The following AGMO variants were observed in gnomAD, a reference collection of about 807,000 sequenced individuals.
The protein encoded by AGMO is alkylglycerol monooxygenase, also known as glyceryl-ether monooxygenase.
Under a neutral mutation model 60.2 loss-of-function variants are expected in AGMO, and 75 were observed. That is an observed-to-expected ratio of 1.25 (90% CI 1.03 to 1.51). AGMO has a LOEUF of 1.51. Ranked by LOEUF, AGMO falls within the 40% of genes most tolerant of loss-of-function variation. The probability of loss-of-function intolerance (pLI) is 0.00; values close to 1 mark genes in which losing one functional copy is unlikely to be tolerated. For missense variants in AGMO, 763 were observed against 525.5 expected (o/e 1.45, Z -4.42); for synonymous variants, 261 against 177.1 (o/e 1.47, Z -3.76).
chr7:15,135,975 T>TCTTC, the AGMO span, among the ~76,000 whole-genome samples: 1 of 76,430 alleles, frequency 1.3e-5, no homozygotes, highest in Admixed American at 2.0e-4. Flanking sequence ...ATATTTTTTC[T>TCTTC]TTTCTTTTTT....
At chr7:15,138,890 G>A in the AGMO span, among the ~76,000 whole-genome samples, 1 of 152,090 alleles carries the variant, frequency 6.6e-6, no homozygotes, top group Admixed American at 6.6e-5. Context: ...TTATTGGGTA[G>A]TGTTTGACAC....
intron 12 of AGMO, among the ~76,000 whole-genome samples, chr7:15,208,854 T>C (rs920133943): frequency 6.6e-6 from 1 of 152,218 alleles, no homozygotes; most frequent in Non-Finnish European, 1.5e-5. Flanking sequence ...GATTTTTGAA[T>C]AAGATGTTGC....
At position 15,460,281 on chromosome 7, in the gene AGMO, G is replaced by A. The variant is rs372768986; in HGVS notation, c.410-29173C>T. On this transcript the variant is annotated intron_variant, in intron 3 of 12. Transcript: ENST00000342526. ...TTGTTGTATTTTTAGTAGAGATGGG[G>A]TTTCGCCATGTTGGCCAGGCTGGTC... Among the ~76,000 whole-genome samples the A allele has an allele frequency of 2.3e-3, 355 of 151,898 alleles. 1 individual carries two copies. The highest frequency in any genetic ancestry group is 7.8e-3 in the African/African-American group (325 of 41,448).
chr7:15,232,023 G>C (rs1439828391), intron 12 of AGMO, among the ~76,000 whole-genome samples: 2 of 152,110 alleles, frequency 1.3e-5, no homozygotes, highest in South Asian at 2.1e-4. Context: ...TCTCCCCAAA[G>C]TCATATTTGT....
At chr7:15,303,436 G>GAA (rs141119048) in intron 12 of AGMO, among the ~76,000 whole-genome samples, 1,697 of 147,932 alleles carry the variant, frequency 0.011, 18 homozygotes, top group Non-Finnish European at 0.018. Context: ...TGGAAAAACA[G>GAA]AAAAAAAAAA....
At chr7:15,402,283 C>A (rs1413167783) in intron 5 of AGMO, among the ~76,000 whole-genome samples, 4 of 152,016 alleles carry the variant, frequency 2.6e-5, no homozygotes, top group Admixed American at 6.6e-5. Flanking sequence ...TGTTCCTCCT[C>A]CTCCTCTTTT....
At chr7:15,311,551 G>T (rs1313622284) in intron 12 of AGMO, among the ~76,000 whole-genome samples, 1 of 152,086 alleles carries the variant, frequency 6.6e-6, no homozygotes. Flanking sequence ...AGCCAAGTTT[G>T]TATCAGTTAG....
chr7:15,291,227 TG>T (rs1317194287), intron 12 of AGMO, among the ~76,000 whole-genome samples: 2 of 152,200 alleles, frequency 1.3e-5, no homozygotes, highest in African/African-American at 4.8e-5. Context: ...CTAAGGTAGG[TG>T]TATATACCTA....
chr7:15,487,820 A>G (rs1782960893), intron 3 of AGMO, among the ~76,000 whole-genome samples: 1 of 152,196 alleles, frequency 6.6e-6, no homozygotes. Flanking sequence ...AAGTATTTGG[A>G]AACATTTTAT....
intron 3 of AGMO, among the ~76,000 whole-genome samples, chr7:15,478,573 A>T (rs925231895): frequency 2.0e-5 from 3 of 152,164 alleles, no homozygotes; most frequent in African/African-American, 7.2e-5. Flanking sequence ...GACAGACATC[A>T]GATCTTGTCA....
intron 10 of AGMO, among the ~76,000 whole-genome samples, chr7:15,372,783 T>C (rs1245289830): frequency 6.6e-6 from 1 of 152,228 alleles, no homozygotes; most frequent in Non-Finnish European, 1.5e-5. Context: ...TTTCAAATTA[T>C]ATACTGCTGG....
intron 12 of AGMO, among the ~76,000 whole-genome samples, chr7:15,265,851 C>T (rs2128511274): frequency 6.6e-6 from 1 of 152,162 alleles, no homozygotes; most frequent in East Asian, 1.9e-4. Flanking sequence ...CAGCAGCATT[C>T]TTCACAATAG....
chr7:15,307,085 C>T (rs1346672545), intron 12 of AGMO, among the ~76,000 whole-genome samples: 2 of 151,954 alleles, frequency 1.3e-5, no homozygotes, highest in Admixed American at 6.6e-5. Context: ...TTGCAGTTCA[C>T]CCATCACTAA....
intron 8 of AGMO, among the ~76,000 whole-genome samples, chr7:15,390,226 C>T (rs111767683): frequency 6.6e-6 from 1 of 152,044 alleles, no homozygotes; most frequent in African/African-American, 2.4e-5. Flanking sequence ...CAGACTTAAC[C>T]AATCTGTAAT....
At chr7:15,514,721 T>C (rs2128532150) in intron 3 of AGMO, among the ~76,000 whole-genome samples, 1 of 152,332 alleles carries the variant, frequency 6.6e-6, no homozygotes, top group Non-Finnish European at 1.5e-5. Context: ...AAAAAAGTTC[T>C]AGTAGTATAC....
chr7:15,275,713 T>C (rs1316646376), intron 12 of AGMO, among the ~76,000 whole-genome samples: 3 of 152,096 alleles, frequency 2.0e-5, no homozygotes, highest in African/African-American at 7.2e-5. Context: ...TGAATCTGGG[T>C]TTTCTGGTGT....
intron 3 of AGMO, among the ~76,000 whole-genome samples, chr7:15,490,072 A>G (rs1432254054): frequency 6.6e-6 from 1 of 152,230 alleles, no homozygotes; most frequent in Non-Finnish European, 1.5e-5. Context: ...ATATTATAAC[A>G]AAATCTTGGT....
At chr7:15,270,836 T>A (rs531896415) in intron 12 of AGMO, among the ~76,000 whole-genome samples, 13 of 151,962 alleles carry the variant, frequency 8.6e-5, no homozygotes, top group African/African-American at 3.1e-4. Flanking sequence ...AGTTAGTTTT[T>A]GTAAATGGTG....
intron 12 of AGMO, among the ~76,000 whole-genome samples, chr7:15,351,691 A>G (rs1280787862): frequency 6.6e-6 from 1 of 152,250 alleles, no homozygotes; most frequent in Non-Finnish European, 1.5e-5. Context: ...ATGCAATAGC[A>G]GCTACTACAT....
Sources: gnomAD v4.1 joint callset for allele counts (sites outside exome capture counted in the v4.1 genomes callset) on GRCh38, gnomAD v4.1.1 for gene constraint, MANE v1.5 for transcripts, NCBI Gene and HGNC (gene_info 2026-07-23, HGNC 2026-07-21) for gene names.